BMPR1A: variants seen among roughly 807,000 people sequenced by gnomAD.
BMPR1A encodes bone morphogenetic protein receptor type-1A.
In BMPR1A, 7 loss-of-function variants were observed where a neutral mutation model predicts 66.0. That is an observed-to-expected ratio of 0.11 (90% CI 0.06 to 0.20). The LOEUF is 0.20. Among genes scored for constraint, BMPR1A ranks in the 10% least tolerant of loss-of-function variants. BMPR1A has a pLI of 1.00. For missense variants in BMPR1A, 408 were observed against 669.1 expected (o/e 0.61, Z 4.31); for synonymous variants, 200 against 229.7 (o/e 0.87, Z 1.17).
At chr10:86,782,340 T>G (rs1328219752) in intron 1 of BMPR1A, among the ~76,000 whole-genome samples, 1 of 152,194 alleles carries the variant, frequency 6.6e-6, no homozygotes, top group East Asian at 1.9e-4. Context: ...TTTTTTTAGA[T>G]ATATACTGAG....
intron 5 of BMPR1A, among the ~76,000 whole-genome samples, chr10:86,894,559 C>A (rs1162916678): frequency 6.6e-6 from 1 of 152,142 alleles, no homozygotes; most frequent in Non-Finnish European, 1.5e-5. Context: ...AACCAGTGTT[C>A]AACAGGCCCC....
chr10:86,923,828 C>T lies in BMPR1A; in HGVS notation c.*109C>T. 7.0e-7 allele frequency: 1 copy of T among 1,431,338 alleles called. No individual in the cohort carries two copies. Among genetic ancestry groups the T allele is most frequent in the Non-Finnish European group, 9.8e-7 (1 of 1,019,406 alleles). 88.7% of individuals were successfully genotyped at this position (1,431,338 alleles called of 1,614,324 possible). On this transcript the variant is annotated 3_prime_UTR_variant, in exon 13 of 13. Transcript: ENST00000372037. ...TGTTAACTTGGTTCTCAGACTCTTTCTTCACTACGTGTTCACAGGCTGCTA... is the reference window on the plus strand; with the variant it reads ...TGTTAACTTGGTTCTCAGACTCTTTTTTCACTACGTGTTCACAGGCTGCTA...
chr10:86,897,147 C>T (rs1035147421), intron 5 of BMPR1A, among the ~76,000 whole-genome samples: 1 of 152,224 alleles, frequency 6.6e-6, no homozygotes, highest in African/African-American at 2.4e-5. Context: ...CAGTTCCTTC[C>T]TCATATACTG....
intron 7 of BMPR1A, among the ~76,000 whole-genome samples, chr10:86,910,930 T>C (rs1843471443): frequency 6.6e-6 from 1 of 151,952 alleles, no homozygotes; most frequent in Non-Finnish European, 1.5e-5. Flanking sequence ...TGTGGTCAAA[T>C]CAACTTCCTA....
At chr10:86,844,424 G>A (rs1842458859) in intron 2 of BMPR1A, among the ~76,000 whole-genome samples, 1 of 152,142 alleles carries the variant, frequency 6.6e-6, no homozygotes, top group Non-Finnish European at 1.5e-5. Flanking sequence ...TTAAGGAATG[G>A]GGACCTGTGA....
chr10:86,925,344 CA>C lies in BMPR1A; in HGVS notation c.*1630del. The C allele has an allele frequency of 4.5e-6, 1 of 221,056 alleles. No individual in the cohort carries two copies. Among genetic ancestry groups the C allele is most frequent in the East Asian group, 6.8e-5 (1 of 14,740 alleles). The allele number at this position is 221,056 out of a possible 1,614,324, so 13.7% of individuals were successfully genotyped here. On this transcript the variant is annotated 3_prime_UTR_variant, in exon 13 of 13. Transcript: ENST00000372037. ...AAATGTGATTATATCACATCATCAT[CA>C]AAAAGGTTTAAATTAAATGGGAGGA...
At chr10:86,811,396 G>A (rs1280511615) in intron 1 of BMPR1A, among the ~76,000 whole-genome samples, 1 of 152,012 alleles carries the variant, frequency 6.6e-6, no homozygotes, top group Non-Finnish European at 1.5e-5. Context: ...TCCCTTTGTT[G>A]CTTGTATTTT....
intron 3 of BMPR1A, among the ~76,000 whole-genome samples, chr10:86,883,325 C>T (rs958317966): frequency 1.3e-5 from 2 of 151,704 alleles, no homozygotes; most frequent in Non-Finnish European, 1.5e-5. Flanking sequence ...CCGAGGTGGG[C>T]GGATCATGAG....
chr10:86,793,640 G>A (rs1039746000), intron 1 of BMPR1A, among the ~76,000 whole-genome samples: 1 of 152,090 alleles, frequency 6.6e-6, no homozygotes, highest in Non-Finnish European at 1.5e-5. Flanking sequence ...GAGCCACTGC[G>A]CCAGGCCTGA....
chr10:86,777,288 A>G (rs1021392067), intron 1 of BMPR1A, among the ~76,000 whole-genome samples: 1 of 152,202 alleles, frequency 6.6e-6, no homozygotes, highest in African/African-American at 2.4e-5. Context: ...GTTTAGAAAA[A>G]TGGATATCAA....
chr10:86,839,468 CT>C, intron 2 of BMPR1A, among the ~76,000 whole-genome samples: 1 of 151,902 alleles, frequency 6.6e-6, no homozygotes, highest in African/African-American at 2.4e-5. Context: ...TGGCCTAAGC[CT>C]GTGATCCCAG....
intron 1 of BMPR1A, among the ~76,000 whole-genome samples, chr10:86,815,173 T>C (rs1295124197): frequency 1.3e-5 from 2 of 152,212 alleles, no homozygotes; most frequent in African/African-American, 4.8e-5. Context: ...TTTTCCTGAA[T>C]GTTTGGAAGA....
At chr10:86,810,919 G>A (rs11202204) in intron 1 of BMPR1A, among the ~76,000 whole-genome samples, 1 of 139,158 alleles carries the variant, frequency 7.2e-6, no homozygotes, top group Non-Finnish European at 1.6e-5. Flanking sequence ...GTGTGTGTGT[G>A]TATTTTTAGT....
chr10:86,889,947 G>A, intron 3 of BMPR1A, 115 bp from the exon 4 acceptor site: 1 of 1,102,402 alleles, frequency 9.1e-7, no homozygotes, highest in Admixed American at 2.0e-5. Flanking sequence ...AAAGAAACAT[G>A]CTAGCTACAA....
intron 2 of BMPR1A, among the ~76,000 whole-genome samples, chr10:86,862,717 A>G (rs1268471026): frequency 1.3e-5 from 2 of 152,086 alleles, no homozygotes; most frequent in African/African-American, 4.8e-5. Context: ...GAATGCAAGA[A>G]GGAAAGAGGG....
At chr10:86,789,725 AC>A (rs75085500) in intron 1 of BMPR1A, among the ~76,000 whole-genome samples, 27,905 of 147,876 alleles carry the variant, frequency 0.19, 3,419 homozygotes, top group East Asian at 0.6. Flanking sequence ...GAAAAAAAAA[AC>A]AAACAAACAC....
chr10:86,923,520 A>G lies in BMPR1A; in HGVS notation c.1473+14A>G, dbSNP rs1317491486. 1.2e-6 allele frequency: 2 copies of G among 1,614,250 alleles called. No individual in the cohort carries two copies. The highest frequency in any genetic ancestry group is 3.3e-5 in the Admixed American group (2 of 60,032). On this transcript the variant is annotated intron_variant, in intron 12 of 12. Transcript: ENST00000372037. ...AACAGTGATGAAGTGAGTGGAACTC[A>G]GTCCCCTGAAGAAGTGATTCGTAAA... is the stretch of plus-strand genomic sequence containing the variant.
At chr10:86,851,620 G>C (rs1842569097) in intron 2 of BMPR1A, among the ~76,000 whole-genome samples, 1 of 152,146 alleles carries the variant, frequency 6.6e-6, no homozygotes, top group Non-Finnish European at 1.5e-5. Flanking sequence ...TTGGGATTGA[G>C]GATTGCATAC....
At chr10:86,921,176 T>C (rs1237909751) in intron 10 of BMPR1A, among the ~76,000 whole-genome samples, 1 of 152,108 alleles carries the variant, frequency 6.6e-6, no homozygotes, top group Non-Finnish European at 1.5e-5. Context: ...ATATTCAGTG[T>C]TGTCCTCTTT....
Sources: gnomAD v4.1 joint callset for allele counts (sites outside exome capture counted in the v4.1 genomes callset) on GRCh38, gnomAD v4.1.1 for gene constraint, MANE v1.5 for transcripts, NCBI Gene and HGNC (gene_info 2026-07-23, HGNC 2026-07-21) for gene names.